PARD3B: variants seen among roughly 807,000 people sequenced by gnomAD.
PARD3B encodes partitioning defective 3 homolog B.
A neutral mutation model predicts 130.2 loss-of-function variants in PARD3B; 103 were observed. The ratio of observed to expected loss-of-function variants is 0.79; its 90% CI spans 0.67 to 0.93. The LOEUF is 0.93. Among genes scored for constraint, PARD3B ranks in the 40% least tolerant of loss-of-function variants. The pLI is 0.00. For missense variants in PARD3B, 1,609 were observed against 1,499.2 expected (o/e 1.07, Z -1.21); for synonymous variants, 583 against 553.2 (o/e 1.05, Z -0.76).
At chr2:204,863,671 T>C (rs915102070) in intron 2 of PARD3B, among the ~76,000 whole-genome samples, 1 of 152,206 alleles carries the variant, frequency 6.6e-6, no homozygotes, top group Non-Finnish European at 1.5e-5. Flanking sequence ...GACAGTCCAT[T>C]TGTAGTTTGC....
rs3077792 is a variant in PARD3B, at chr2:205,460,393, G to GTGATGATGATGATGA, written c.3044+19750_3044+19764dup. Among the ~76,000 whole-genome samples, 7 of 147,888 alleles carry GTGATGATGATGATGA rather than the reference G, an allele frequency of 4.7e-5. No individual in the cohort carries two copies. Among genetic ancestry groups the GTGATGATGATGATGA allele is most frequent in the African/African-American group, 1.7e-4 (7 of 40,280 alleles). ...ATTATCAAGACTAAGGATGTTGATA[G>GTGATGATGATGATGA]TGATGATGATGATGATGATGATGAT... On this transcript the variant is annotated intron_variant, in intron 20 of 22. Transcript: ENST00000406610. The surrounding 1 kb of genome is among the most constrained non-coding windows in gnomAD (Gnocchi z 4.9).
At chr2:205,049,762 A>G (rs141019544) in intron 4 of PARD3B, among the ~76,000 whole-genome samples, 1 of 152,158 alleles carries the variant, frequency 6.6e-6, no homozygotes, top group African/African-American at 2.4e-5. Flanking sequence ...TTCAAGAATA[A>G]ATGCTGGCGC....
chr2:205,380,287 G>T (rs1191453211), intron 18 of PARD3B, among the ~76,000 whole-genome samples: 1 of 20,938 alleles, frequency 4.8e-5, no homozygotes, highest in East Asian at 8.9e-4. Flanking sequence ...AATATATAAA[G>T]AATATATATT....
intron 2 of PARD3B, among the ~76,000 whole-genome samples, chr2:204,792,897 A>C (rs916580953): frequency 9.5e-5 from 14 of 147,656 alleles, no homozygotes; most frequent in Non-Finnish European, 1.6e-4. Flanking sequence ...ATAAGGCTTT[A>C]CCTATTTTTT....
In PARD3B at chr2:204,754,391, G is replaced by A. The variant is rs150857306; in HGVS notation, c.222+68109G>A. ...AGGGAACTCGAAAGGCAGTCTTCCT[G>A]GGTTTAAATCTGAGCACTGTCTGTC... On this transcript the variant is annotated intron_variant, in intron 2 of 22. Transcript: ENST00000406610. Among the ~76,000 whole-genome samples, 300 of 152,256 alleles carry A rather than the reference G, an allele frequency of 2.0e-3. 2 individuals carry two copies. Among genetic ancestry groups the A allele is most frequent in the Middle Eastern group, 6.8e-3 (2 of 294 alleles).
chr2:205,034,971 C>T (rs1163442953), intron 3 of PARD3B, among the ~76,000 whole-genome samples: 1 of 152,158 alleles, frequency 6.6e-6, no homozygotes, highest in Non-Finnish European at 1.5e-5. Flanking sequence ...ATCCTCCTGC[C>T]TCATCCTCCA....
intron 1 of PARD3B, among the ~76,000 whole-genome samples, chr2:204,679,874 T>C (rs1460643028): frequency 6.6e-6 from 1 of 152,064 alleles, no homozygotes; most frequent in African/African-American, 2.4e-5. Flanking sequence ...TAAATAACTC[T>C]TGCATGACTG....
At position 205,183,477 on chromosome 2, in the gene PARD3B, C is replaced by T. The variant is rs1206987579; in HGVS notation, c.1925-2287C>T. ...TGTTTCTCTTAGCAAGTCTTGAATG[C>T]CTGACTGCTGCCACCACTAACAAAT... On this transcript the variant is annotated intron_variant, in intron 13 of 22. Transcript: ENST00000406610. This position sits in a 1 kb window ranked among gnomAD's most constrained non-coding sequence, Gnocchi z 5.2. Among the ~76,000 whole-genome samples, 1 of 152,144 alleles carries T rather than the reference C, an allele frequency of 6.6e-6. No homozygotes were observed. Among genetic ancestry groups the T allele is most frequent in the Non-Finnish European group, 1.5e-5 (1 of 68,004 alleles).
chr2:205,591,408 A>G lies in PARD3B; in HGVS notation c.3261-24048A>G, dbSNP rs1384470703. 6.6e-6 allele frequency among the ~76,000 whole-genome samples: 1 copy of G among 152,210 alleles called. No homozygotes were observed. Among genetic ancestry groups the G allele is most frequent in the East Asian group, 1.9e-4 (1 of 5,192 alleles). On this transcript the variant is annotated intron_variant, in intron 22 of 22. Transcript: ENST00000406610. This position sits in a 1 kb window ranked among gnomAD's most constrained non-coding sequence, Gnocchi z 4.2. Reference sequence around the variant, plus strand: ...AGAAGTTATGGAATCAAGAATAAATAAAAAGTTGGGGCAGGAATAATAATA... The same window carrying G: ...AGAAGTTATGGAATCAAGAATAAATGAAAAGTTGGGGCAGGAATAATAATA...
chr2:205,464,446 G>C (rs897143007), intron 20 of PARD3B, among the ~76,000 whole-genome samples: 4 of 152,126 alleles, frequency 2.6e-5, no homozygotes, highest in Admixed American at 1.3e-4. Flanking sequence ...ACAATCTAGT[G>C]GGGGAGTCAC....
At chr2:205,096,778 T>C (rs1441968786) in intron 4 of PARD3B, among the ~76,000 whole-genome samples, 1 of 152,198 alleles carries the variant, frequency 6.6e-6, no homozygotes, top group African/African-American at 2.4e-5. Context: ...AGGGACTAGT[T>C]AGTAGAATAT....
chr2:205,543,007 A>T (rs894711286), intron 21 of PARD3B, among the ~76,000 whole-genome samples: 1 of 152,198 alleles, frequency 6.6e-6, no homozygotes. Context: ...TTGGACCAAA[A>T]ATCTAGCATG....
chr2:205,256,444 T>C lies in PARD3B; in HGVS notation c.2185+10622T>C, dbSNP rs114411469. On this transcript the variant is annotated intron_variant, in intron 16 of 22. Coordinates refer to ENST00000406610, the MANE Select transcript of PARD3B (RefSeq NM_001302769.2). ...GGTTCTCACAGTTTAGTAGCAACAA[T>C]AGGAATGCAAACAGTGACAATACCA... is the stretch of plus-strand genomic sequence containing the variant. Among the ~76,000 whole-genome samples, 685 of 152,186 alleles carry C rather than the reference T, an allele frequency of 4.5e-3. 4 individuals carry two copies. The highest frequency in any genetic ancestry group is 0.015 in the African/African-American group (641 of 41,528).
At chr2:204,941,107 G>C (rs1484614122) in intron 2 of PARD3B, among the ~76,000 whole-genome samples, 5 of 152,134 alleles carry the variant, frequency 3.3e-5, no homozygotes, top group Non-Finnish European at 5.9e-5. Flanking sequence ...AATTTCATAT[G>C]TGTGAATGCA....
rs537637366 is a variant in PARD3B, at chr2:204,672,843, T to C, written c.121-13338T>C. On this transcript the variant is annotated intron_variant, in intron 1 of 22. Coordinates refer to ENST00000406610, the MANE Select transcript of PARD3B (RefSeq NM_001302769.2). ...TTTGAAGAATTATGCAGAGTAGTAA[T>C]AATCACAGGCGCTGTTTATTGCACA... Among the ~76,000 whole-genome samples the C allele has an allele frequency of 4.7e-4, 71 of 152,344 alleles. 1 individual carries two copies. The highest frequency in any genetic ancestry group is 1.7e-3 in the African/African-American group (71 of 41,588).
At chr2:205,231,446 CCT>C (rs2038830952) in intron 15 of PARD3B, among the ~76,000 whole-genome samples, 1 of 151,694 alleles carries the variant, frequency 6.6e-6, no homozygotes, top group South Asian at 2.1e-4. Context: ...CCCACCTTAG[CCT>C]CTTGAGTAGC....
chr2:205,592,748 G>A lies in PARD3B; in HGVS notation c.3261-22708G>A, dbSNP rs900393031. 1.3e-5 allele frequency among the ~76,000 whole-genome samples: 2 copies of A among 152,222 alleles called. No homozygotes were observed. The highest frequency in any genetic ancestry group is 4.8e-5 in the African/African-American group (2 of 41,456). Reference sequence around the variant, plus strand: ...AGGGGCATCTGATTCAGAAGTAAAGGATCAGGAAGAAGCGGCATCTGGAAC... The same window carrying A: ...AGGGGCATCTGATTCAGAAGTAAAGAATCAGGAAGAAGCGGCATCTGGAAC... On this transcript the variant is annotated intron_variant, in intron 22 of 22. Coordinates refer to ENST00000406610, the MANE Select transcript of PARD3B (RefSeq NM_001302769.2). This position sits in a 1 kb window ranked among gnomAD's most constrained non-coding sequence, Gnocchi z 4.5.
chr2:205,010,183 C>CT (rs112296749), intron 3 of PARD3B, among the ~76,000 whole-genome samples: 10 of 151,294 alleles, frequency 6.6e-5, no homozygotes, highest in East Asian at 1.9e-4. Flanking sequence ...CTTCATTATA[C>CT]TTTTTTTTTG....
intron 2 of PARD3B, among the ~76,000 whole-genome samples, chr2:204,755,605 T>A (rs1219271305): frequency 6.6e-6 from 1 of 152,136 alleles, no homozygotes; most frequent in Non-Finnish European, 1.5e-5. Context: ...TGTACTAATA[T>A]TTTTCTCCCA....
Sources: gnomAD v4.1 joint callset for allele counts (sites outside exome capture counted in the v4.1 genomes callset) on GRCh38, gnomAD v4.1.1 for gene constraint, Gnocchi (gnomAD v3.1) non-coding constraint, MANE v1.5 for transcripts, NCBI Gene and HGNC (gene_info 2026-07-23, HGNC 2026-07-21) for gene names.